ARHGAP42: variants seen among roughly 807,000 people sequenced by gnomAD.
ARHGAP42 encodes rho GTPase-activating protein 42.
In ARHGAP42, 63 loss-of-function variants were observed where a neutral mutation model predicts 125.0. The ratio of observed to expected loss-of-function variants is 0.50; its 90% CI spans 0.41 to 0.62. ARHGAP42 has a LOEUF of 0.62. Among genes scored for constraint, ARHGAP42 ranks in the 20% least tolerant of loss-of-function variants. ARHGAP42 has a pLI of 0.00. For synonymous variants in ARHGAP42, 339 were observed against 351.0 expected (o/e 0.97, Z 0.38); for missense variants, 766 against 1,024.2 (o/e 0.75, Z 3.44).
chr11:100,924,220 T>C (rs1369221395), intron 6 of ARHGAP42, among the ~76,000 whole-genome samples: 1 of 152,058 alleles, frequency 6.6e-6, no homozygotes, highest in Non-Finnish European at 1.5e-5. Context: ...TTGTAAGATA[T>C]CCAAAAGAAA....
chr11:100,786,493 G>A (rs191738302), intron 2 of ARHGAP42, among the ~76,000 whole-genome samples: 6 of 152,126 alleles, frequency 3.9e-5, no homozygotes, highest in Admixed American at 3.3e-4. Context: ...CCAAAATTTG[G>A]CCTTTTGTGA....
chr11:100,743,314 T>C (rs1302625463), intron 1 of ARHGAP42, among the ~76,000 whole-genome samples: 1 of 152,222 alleles, frequency 6.6e-6, no homozygotes, highest in Non-Finnish European at 1.5e-5. Flanking sequence ...TTATTTCTCC[T>C]TCATTTATGA....
At chr11:100,935,968 A>C (rs1416281143) in intron 7 of ARHGAP42, among the ~76,000 whole-genome samples, 1 of 152,028 alleles carries the variant, frequency 6.6e-6, no homozygotes, top group Non-Finnish European at 1.5e-5. Context: ...CCATCTCTAC[A>C]AAAAATTAGC....
At chr11:100,873,171 A>G (rs553841786) in intron 4 of ARHGAP42, among the ~76,000 whole-genome samples, 4 of 152,228 alleles carry the variant, frequency 2.6e-5, no homozygotes, top group African/African-American at 9.6e-5. Flanking sequence ...AGGAAGTGAC[A>G]TAGTGGTATA....
At chr11:100,942,009 C>T in intron 9 of ARHGAP42, 125 bp downstream of exon 9, 1 of 747,568 alleles carries the variant, frequency 1.3e-6, no homozygotes, top group Non-Finnish European at 2.1e-6. Flanking sequence ...AATAGAAGGT[C>T]AAAGGTTTTC....
chr11:100,689,882 AT>A (rs1861157891), intron 1 of ARHGAP42, among the ~76,000 whole-genome samples: 1 of 152,076 alleles, frequency 6.6e-6, no homozygotes, highest in Admixed American at 6.6e-5. Flanking sequence ...TGTAGCACTG[AT>A]TTTTTTCGTA....
intron 6 of ARHGAP42, among the ~76,000 whole-genome samples, chr11:100,928,603 G>A (rs553774481): frequency 6.6e-6 from 1 of 151,714 alleles, no homozygotes; most frequent in Non-Finnish European, 1.5e-5. Context: ...AAAAAAAAAA[G>A]TCATAAAGAT....
At chr11:100,875,358 G>A (rs1865796103) in intron 4 of ARHGAP42, among the ~76,000 whole-genome samples, 1 of 152,116 alleles carries the variant, frequency 6.6e-6, no homozygotes, top group South Asian at 2.1e-4. Flanking sequence ...GTTCCTAGGA[G>A]GATTGGGCTA....
intron 4 of ARHGAP42, among the ~76,000 whole-genome samples, chr11:100,869,266 A>G (rs1338824170): frequency 6.6e-6 from 1 of 152,164 alleles, no homozygotes; most frequent in African/African-American, 2.4e-5. Flanking sequence ...TCAGACAGAA[A>G]GATGAAGGGG....
intron 2 of ARHGAP42, among the ~76,000 whole-genome samples, chr11:100,777,721 A>C (rs552770495): frequency 5.3e-5 from 8 of 152,344 alleles, no homozygotes; most frequent in Admixed American, 5.2e-4. Context: ...AAAGATCATT[A>C]ATAATTTTTC....
intron 2 of ARHGAP42, among the ~76,000 whole-genome samples, chr11:100,793,825 A>G (rs980547393): frequency 6.6e-6 from 1 of 152,268 alleles, no homozygotes; most frequent in South Asian, 2.1e-4. Context: ...TAATCCCAGC[A>G]CTTTGGGAGG....
At chr11:100,815,223 A>G in intron 3 of ARHGAP42, among the ~76,000 whole-genome samples, 1 of 152,204 alleles carries the variant, frequency 6.6e-6, no homozygotes, top group Non-Finnish European at 1.5e-5. Context: ...ATTATATTGC[A>G]GGTTCCTTTT....
chr11:100,879,364 G>A lies in ARHGAP42; in HGVS notation c.384+19739G>A, dbSNP rs190640363. ...GAATGGTTAAATAATCTGTCACCCC[G>A]TCTGTGCTTAACTGTCAATCAGTTC... On this transcript the variant is annotated intron_variant, in intron 4 of 23. Transcript: ENST00000298815. Among the ~76,000 whole-genome samples the A allele has an allele frequency of 1.5e-4, 23 of 152,242 alleles. 1 individual carries two copies. Among genetic ancestry groups the A allele is most frequent in the Admixed American group, 9.1e-4 (14 of 15,302 alleles).
intron 3 of ARHGAP42, chr11:100,839,625 T>C (rs928555284): frequency 6.6e-6 from 1 of 152,122 alleles, no homozygotes. Context: ...TAATTGGTGG[T>C]TGTTAGATGT....
At chr11:100,956,081 A>G (rs1228545606) in intron 12 of ARHGAP42, among the ~76,000 whole-genome samples, 1 of 152,164 alleles carries the variant, frequency 6.6e-6, no homozygotes, top group Non-Finnish European at 1.5e-5. Context: ...GGCGCTGTCT[A>G]TAGTTGATGG....
intron 4 of ARHGAP42, among the ~76,000 whole-genome samples, chr11:100,906,581 TAA>T (rs34633557): frequency 1.3e-5 from 2 of 151,632 alleles, no homozygotes; most frequent in African/African-American, 2.4e-5. Context: ...GTGGAAACTT[TAA>T]AAAAAAATTC....
chr11:100,756,280 C>T (rs1318720970), intron 1 of ARHGAP42, among the ~76,000 whole-genome samples: 2 of 149,820 alleles, frequency 1.3e-5, no homozygotes, highest in Admixed American at 1.3e-4. Flanking sequence ...TATCTTTAGT[C>T]CTAGCTACTC....
intron 3 of ARHGAP42, among the ~76,000 whole-genome samples, chr11:100,852,320 C>T (rs1276142162): frequency 1.3e-5 from 2 of 152,136 alleles, no homozygotes; most frequent in African/African-American, 4.8e-5. Context: ...AATGCAATTG[C>T]TATAAAATAT....
chr11:100,860,015 G>C (rs1409467155), intron 4 of ARHGAP42: 2 of 153,564 alleles, frequency 1.3e-5, no homozygotes, highest in African/African-American at 4.8e-5. Context: ...ATAAAAATAT[G>C]TGTTTCTGAA....
Sources: allele counts gnomAD v4.1 joint callset (sites outside exome capture counted in the v4.1 genomes callset), GRCh38; gene constraint gnomAD v4.1.1; transcripts MANE v1.5; gene names NCBI Gene and HGNC (gene_info 2026-07-23, HGNC 2026-07-21).